The following INTS14 variants were observed in gnomAD, a reference collection of about 807,000 sequenced individuals.
The protein encoded by INTS14 is integrator complex subunit 14.
A neutral mutation model predicts 56.9 loss-of-function variants in INTS14; 27 were observed. That is an observed-to-expected ratio of 0.47 (90% CI 0.35 to 0.65). INTS14 has a LOEUF of 0.65. Among genes scored for constraint, INTS14 ranks in the 30% least tolerant of loss-of-function variants. The probability of loss-of-function intolerance (pLI) is 0.00; values close to 1 mark genes in which losing one functional copy is unlikely to be tolerated. For missense variants in INTS14, 517 were observed against 632.2 expected (o/e 0.82, Z 1.95); for synonymous variants, 207 against 236.2 (o/e 0.88, Z 1.13).
At chr15:65,593,872 T>TACCCCC (rs2073118464) in intron 7 of INTS14, among the ~76,000 whole-genome samples, 1 of 152,192 alleles carries the variant, frequency 6.6e-6, no homozygotes, top group Non-Finnish European at 1.5e-5. Flanking sequence ...AGTTGATAGT[T>TACCCCC]AAAGGGTACA....
intron 9 of INTS14, among the ~76,000 whole-genome samples, chr15:65,585,719 G>C (rs543228015): frequency 1.0e-3 from 154 of 152,240 alleles, no homozygotes; most frequent in African/African-American, 3.4e-3. Context: ...CAGAGCAGGA[G>C]TCATTTTCCT....
chr15:65,602,792 T>A (rs765064652), intron 3 of INTS14, among the ~76,000 whole-genome samples: 4 of 152,082 alleles, frequency 2.6e-5, no homozygotes, highest in Non-Finnish European at 5.9e-5. Context: ...CGCAGCCTCC[T>A]GAGTGGCTGG....
At chr15:65,607,539 AC>A in intron 1 of INTS14, 97 bp from the exon 2 acceptor site, 1 of 1,356,540 alleles carries the variant, frequency 7.4e-7, no homozygotes, top group Non-Finnish European at 9.8e-7. Context: ...AGAGGCAAAC[AC>A]CATTTAAGTT....
chr15:65,603,173 T>C (rs1263432417), intron 3 of INTS14, among the ~76,000 whole-genome samples: 1 of 152,214 alleles, frequency 6.6e-6, no homozygotes, highest in Non-Finnish European at 1.5e-5. Context: ...CTTTTTTATT[T>C]CAGAAAAGAA....
Position 65,598,215 on chromosome 15 carries a change from A to T in INTS14, c.748+106T>A, listed in dbSNP as rs139910286. On this transcript the variant is annotated intron_variant, in intron 6 of 11. Transcript: ENST00000313182. ...GAATACTCAACCTGTACCACAATAT[A>T]TATTTCTTTTCAACCTTCCTAGACA... 21 of 1,164,160 alleles carry T rather than the reference A, an allele frequency of 1.8e-5. No homozygotes were observed. The East Asian group carries it at 4.7e-4, about 26-fold the overall frequency. 72.1% of individuals were successfully genotyped at this position (1,164,160 alleles called of 1,614,324 possible). A position where few individuals can be genotyped will look rare whatever the true frequency, so the allele number is the denominator to read the frequency against.
chr15:65,579,482 C>CA lies in INTS14; in HGVS notation c.1482dup (p.Glu495Ter). 1 of 1,614,252 alleles carries CA rather than the reference C, an allele frequency of 6.2e-7. No individual in the cohort carries two copies. The highest frequency in any genetic ancestry group is 1.1e-5 in the South Asian group (1 of 91,088). On this transcript the variant is annotated frameshift_variant, in exon 12 of 12. Coordinates refer to ENST00000313182, the MANE Select transcript of INTS14 (RefSeq NM_001394796.1). LOFTEE classifies it high-confidence loss of function. ...ATGTTCTGGTCATAAGCGGCATACT[C>CA]AGAGGTGCCGGTACTGGCCAGCTTG... is the stretch of plus-strand genomic sequence containing the variant.
At chr15:65,593,242 G>A (rs543208727) in intron 8 of INTS14, among the ~76,000 whole-genome samples, 186 bp downstream of exon 8, 1 of 151,842 alleles carries the variant, frequency 6.6e-6, no homozygotes, top group Admixed American at 6.5e-5. Context: ...CTGGGGGACA[G>A]AGCAAGACCT....
intron 11 of INTS14, 52 bp from the exon 12 acceptor site, chr15:65,579,711 T>C (rs1346527245): frequency 6.3e-7 from 1 of 1,578,612 alleles, no homozygotes; most frequent in Non-Finnish European, 8.6e-7. Flanking sequence ...TCCTAACACA[T>C]ACTTTCTAAG....
intron 10 of INTS14, among the ~76,000 whole-genome samples, chr15:65,582,697 C>T (rs1480894374): frequency 6.6e-6 from 1 of 152,110 alleles, no homozygotes; most frequent in Admixed American, 6.5e-5. Flanking sequence ...AAGCAAGAGA[C>T]AAAATTTGAC....
At chr15:65,582,143 G>A (rs1389268468) in intron 10 of INTS14, 124 bp from the exon 11 acceptor site, 2 of 820,524 alleles carry the variant, frequency 2.4e-6, no homozygotes, top group East Asian at 2.7e-5. Context: ...ATGTCAAGAT[G>A]AGGATCCCTT....
chr15:65,598,075 G>C (rs1264268760), intron 6 of INTS14, among the ~76,000 whole-genome samples: 1 of 152,074 alleles, frequency 6.6e-6, no homozygotes, highest in African/African-American at 2.4e-5. Context: ...ATGCTCACTG[G>C]AGCACTTTGG....
chr15:65,609,121 C>T (rs1361510857), intron 1 of INTS14, among the ~76,000 whole-genome samples: 1 of 152,042 alleles, frequency 6.6e-6, no homozygotes, highest in Admixed American at 6.6e-5. Flanking sequence ...GGTTTCACCA[C>T]ATTGGCCAGG....
intron 7 of INTS14, among the ~76,000 whole-genome samples, chr15:65,594,214 C>T (rs1448203456): frequency 2.0e-5 from 3 of 152,164 alleles, no homozygotes; most frequent in Non-Finnish European, 4.4e-5. Flanking sequence ...TCTCCAGTTT[C>T]TCTCACACTC....
chr15:65,603,761 T>C (rs2073532947), intron 3 of INTS14, among the ~76,000 whole-genome samples: 2 of 152,210 alleles, frequency 1.3e-5, no homozygotes, highest in African/African-American at 2.4e-5. Flanking sequence ...CTGTCTGTTT[T>C]TGTAAATAAA....
intron 10 of INTS14, among the ~76,000 whole-genome samples, chr15:65,583,789 A>G (rs1004266917): frequency 6.6e-6 from 1 of 152,240 alleles, no homozygotes; most frequent in Non-Finnish European, 1.5e-5. Context: ...TGGTGGTGAA[A>G]GTGGTTCTAA....
intron 2 of INTS14, among the ~76,000 whole-genome samples, chr15:65,606,567 T>C (rs556118860): frequency 4.6e-5 from 7 of 152,310 alleles, no homozygotes; most frequent in Non-Finnish European, 7.4e-5. Flanking sequence ...CAAACACTTC[T>C]TGACTGCTCA....
chr15:65,580,948 T>C (rs1347460968), intron 11 of INTS14, among the ~76,000 whole-genome samples: 9 of 152,198 alleles, frequency 5.9e-5, no homozygotes, highest in Non-Finnish European at 4.4e-5. Context: ...AAGCAGAGTC[T>C]CTGGTGCAAT....
chr15:65,584,817 T>C lies in INTS14; in HGVS notation c.1192A>G (p.Ser398Gly). 1 of 1,613,568 alleles carries C rather than the reference T, an allele frequency of 6.2e-7. No individual in the cohort carries two copies. Among genetic ancestry groups the C allele is most frequent in the East Asian group, 2.2e-5 (1 of 44,838 alleles). Reference protein sequence around the residue: ...PFPLQPKNKRSYAQNVTVWIK... With the variant: ...PFPLQPKNKRGYAQNVTVWIK... The stretch of plus-strand genomic sequence containing the variant: ...CAGACAGTCACATTCTGGGCATAAC[T>C]GCGTTTGTTTTTGGGCTGCAGGGGG... Residue 398 changes from serine to glycine, a missense_variant, in exon 10 of 12, where the codon AGT becomes GGT. By Grantham distance (56) the Ser-to-Gly change is moderately conservative. Transcript: ENST00000313182.
At chr15:65,581,466 T>G in intron 11 of INTS14, among the ~76,000 whole-genome samples, 1 of 140,248 alleles carries the variant, frequency 7.1e-6, no homozygotes. Context: ...GAGAATCACT[T>G]GAACCTGTGA....
Sources: allele counts gnomAD v4.1 joint callset (sites outside exome capture counted in the v4.1 genomes callset), GRCh38; gene constraint gnomAD v4.1.1; transcripts MANE v1.5; gene names NCBI Gene and HGNC (gene_info 2026-07-23, HGNC 2026-07-21).